The following GPRIN3 variants were observed in gnomAD, a reference collection of about 807,000 sequenced individuals.
The protein encoded by GPRIN3 is G protein-regulated inducer of neurite outgrowth 3.
In GPRIN3, 12 loss-of-function variants were observed where a neutral mutation model predicts 13.7. The observed-to-expected ratio is 0.87, with a 90% confidence interval of 0.56 to 1.42. The LOEUF (loss-of-function observed/expected upper bound fraction) is 1.42, where lower values mean the gene tolerates loss of function less well. Among genes scored for constraint, GPRIN3 ranks in the 40% most tolerant of loss-of-function variants. The probability of loss-of-function intolerance (pLI) is 0.00; values close to 1 mark genes in which losing one functional copy is unlikely to be tolerated. For missense variants in GPRIN3, 1,009 were observed against 958.7 expected (o/e 1.05, Z -0.69); for synonymous variants, 377 against 372.7 (o/e 1.01, Z -0.13).
At chr4:89,281,941 A>T (rs1178016496) in intron 1 of GPRIN3, among the ~76,000 whole-genome samples, 1 of 149,642 alleles carries the variant, frequency 6.7e-6, no homozygotes, top group African/African-American at 2.5e-5. Flanking sequence ...TCTTTATTAT[A>T]ATGCATTGCT....
At chr4:89,256,952 A>C (rs971943244) in intron 1 of GPRIN3, among the ~76,000 whole-genome samples, 11 of 152,350 alleles carry the variant, frequency 7.2e-5, no homozygotes, top group African/African-American at 2.4e-4. Context: ...CTGCCAGTGC[A>C]GAGTTTGAAG....
intron 1 of GPRIN3, among the ~76,000 whole-genome samples, chr4:89,282,837 C>T (rs10034673): frequency 0.14 from 21,214 of 152,072 alleles, 3,154 homozygotes; most frequent in African/African-American, 0.38. Flanking sequence ...CTATGAATCA[C>T]AGTCTCAGAG....
intron 1 of GPRIN3, among the ~76,000 whole-genome samples, chr4:89,274,257 G>T (rs1467220417): frequency 1.3e-5 from 2 of 152,198 alleles, no homozygotes; most frequent in African/African-American, 4.8e-5. Flanking sequence ...AAGTATGTTT[G>T]TGTTTAACTG....
rs1265575790 is a variant in GPRIN3 at position 89,248,717 on chromosome 4, G to C, written c.1394C>G (p.Ala465Gly). The change falls in exon 2 of 2, where the codon GCT (alanine) becomes GGT (glycine). Residue 465 changes from alanine to glycine, a missense_variant. Transcript: ENST00000609438. ...LAGTNSSSLKATAIDQISISA... is the reference protein window; with the variant it reads ...LAGTNSSSLKGTAIDQISISA... ...GATAGAAATCTGGTCAATGGCGGTA[G>C]CTTTCAGGGAGCTAGAATTAGTACC... is the stretch of plus-strand genomic sequence containing the variant. 9 of 1,614,054 alleles carry C rather than the reference G, an allele frequency of 5.6e-6. No homozygotes were observed. Among genetic ancestry groups the C allele is most frequent in the Non-Finnish European group, 6.8e-6 (8 of 1,180,032 alleles).
intron 1 of GPRIN3, among the ~76,000 whole-genome samples, chr4:89,263,453 A>G (rs749677327): frequency 1.2e-4 from 18 of 152,212 alleles, no homozygotes; most frequent in Non-Finnish European, 1.9e-4. Context: ...CATTTGCTGC[A>G]GGGAGGAGCC....
intron 1 of GPRIN3, among the ~76,000 whole-genome samples, chr4:89,286,423 C>G (rs1428209789): frequency 6.6e-6 from 1 of 152,104 alleles, no homozygotes; most frequent in Non-Finnish European, 1.5e-5. Context: ...TCCCTTTCAG[C>G]CAAGTTTGTC....
chr4:89,248,268 A>T lies in GPRIN3; in HGVS notation c.1843T>A (p.Ser615Thr). 1 of 1,614,100 alleles carries T rather than the reference A, an allele frequency of 6.2e-7. No homozygotes were observed. Among genetic ancestry groups the T allele is most frequent in the Non-Finnish European group, 8.5e-7 (1 of 1,180,002 alleles). ...LSLPSDPMGD[S>T]SPGSGKKTPS... is the part of the protein sequence containing the mutation. ...GTCTTCTTGCCAGAACCTGGGCTGGAGTCACCCATGGGATCAGATGGCAGG... is the reference window on the plus strand; with the variant it reads ...GTCTTCTTGCCAGAACCTGGGCTGGTGTCACCCATGGGATCAGATGGCAGG... Residue 615 changes from serine (S) to threonine (T), a missense_variant, in exon 2 of 2, where the codon TCC becomes ACC. Ser to Thr is a moderately conservative substitution (Grantham distance 58). Coordinates refer to ENST00000609438, the MANE Select transcript of GPRIN3 (RefSeq NM_198281.3).
intron 1 of GPRIN3, among the ~76,000 whole-genome samples, chr4:89,290,289 T>C (rs1189373323): frequency 1.3e-5 from 2 of 152,000 alleles, no homozygotes; most frequent in African/African-American, 4.8e-5. Context: ...GTGTTTCAAA[T>C]ATGCTTGAAG....
At chr4:89,259,020 T>C (rs892823801) in intron 1 of GPRIN3, among the ~76,000 whole-genome samples, 2 of 152,242 alleles carry the variant, frequency 1.3e-5, no homozygotes, top group African/African-American at 2.4e-5. Context: ...AATTTACCTA[T>C]GGAGGCAGGA....
intron 1 of GPRIN3, among the ~76,000 whole-genome samples, chr4:89,276,923 G>A (rs892662357): frequency 3.9e-5 from 6 of 152,168 alleles, no homozygotes; most frequent in Admixed American, 3.3e-4. Context: ...CCAATGAAAT[G>A]AAAGCTCATA....
intron 1 of GPRIN3, among the ~76,000 whole-genome samples, chr4:89,260,053 G>A (rs1487824627): frequency 6.6e-6 from 1 of 152,050 alleles, no homozygotes; most frequent in African/African-American, 2.4e-5. Context: ...GTGATCCACC[G>A]GCTTCAGTCT....
intron 1 of GPRIN3, among the ~76,000 whole-genome samples, chr4:89,293,116 T>C (rs1047118718): frequency 6.6e-6 from 1 of 152,216 alleles, no homozygotes; most frequent in African/African-American, 2.4e-5. Context: ...CATAAGTCTA[T>C]AGAAGTCTAT....
Position 89,249,016 on chromosome 4 carries a change from A to G in GPRIN3, c.1095T>C (p.Ser365=). Residue 365 remains serine, a synonymous_variant, in exon 2 of 2, where the codon AGT becomes AGC. Coordinates refer to ENST00000609438, the MANE Select transcript of GPRIN3 (RefSeq NM_198281.3). The part of the protein sequence containing the change: ...QEQLRVICHS[S]GSHTLELSDS... ...CAGAGAGCTCCAGTGTGTGGCTCCC[A>G]CTGCTGTGGCAAATGACACGCAGCT... 2.5e-6 allele frequency: 4 copies of G among 1,614,156 alleles called. No individual in the cohort carries two copies. The highest frequency in any genetic ancestry group is 3.4e-6 in the Non-Finnish European group (4 of 1,180,016).
At chr4:89,258,677 C>T (rs1484415768) in intron 1 of GPRIN3, among the ~76,000 whole-genome samples, 1 of 152,220 alleles carries the variant, frequency 6.6e-6, no homozygotes, top group Non-Finnish European at 1.5e-5. Flanking sequence ...GAGGGCACCC[C>T]TCACATGAGG....
At chr4:89,300,515 C>T (rs1461777378) in intron 1 of GPRIN3, among the ~76,000 whole-genome samples, 1 of 152,146 alleles carries the variant, frequency 6.6e-6, no homozygotes, top group Non-Finnish European at 1.5e-5. Context: ...AGTTTTCCTG[C>T]TAGGCCCACA....
In GPRIN3 at chr4:89,249,408, A is replaced by C; in HGVS notation, c.703T>G (p.Cys235Gly). 6.2e-7 allele frequency: 1 copy of C among 1,614,168 alleles called. No homozygotes were observed. The highest frequency in any genetic ancestry group is 8.5e-7 in the Non-Finnish European group (1 of 1,180,022). ...GAICDSEMRS[C>G]KPLTRESGCS... ...CCAGATTCTCTAGTTAGAGGTTTAC[A>C]GGACCTCATTTCAGAGTCACAGATG... The change falls in exon 2 of 2, where the codon TGT becomes GGT. Residue 235 changes from cysteine to glycine, a missense_variant. Transcript: ENST00000609438.
chr4:89,270,409 CCTCT>C (rs1472215075), intron 1 of GPRIN3, among the ~76,000 whole-genome samples: 1 of 151,196 alleles, frequency 6.6e-6, no homozygotes, highest in African/African-American at 2.4e-5. Flanking sequence ...CAAATGTATA[CCTCT>C]CTGAGTCTGG....
rs978596676 is a variant in GPRIN3, at chr4:89,245,997, T to C, written c.*1783A>G. On this transcript the variant is annotated 3_prime_UTR_variant, in exon 2 of 2. Coordinates refer to ENST00000609438, the MANE Select transcript of GPRIN3 (RefSeq NM_198281.3). ...CAGGCTCTGAGAATACTGTTCCATA[T>C]ATGCAAGCTTTGTCTACAGTTAAAT... is the stretch of plus-strand genomic sequence containing the variant. 3 of 152,344 alleles carry C rather than the reference T, an allele frequency of 2.0e-5. No homozygotes were observed. Among genetic ancestry groups the C allele is most frequent in the East Asian group, 1.9e-4 (1 of 5,178 alleles). 9.4% of individuals were successfully genotyped at this position (152,344 alleles called of 1,614,324 possible). A position where few individuals can be genotyped will look rare whatever the true frequency, so the allele number is the denominator to read the frequency against.
intron 1 of GPRIN3, among the ~76,000 whole-genome samples, chr4:89,275,810 C>T (rs923611787): frequency 1.1e-4 from 16 of 152,288 alleles, no homozygotes; most frequent in African/African-American, 3.1e-4. Context: ...AATGCCGTCA[C>T]GGTAATGCAA....
Sources: allele counts gnomAD v4.1 joint callset (sites outside exome capture counted in the v4.1 genomes callset), GRCh38; gene constraint gnomAD v4.1.1; transcripts MANE v1.5; gene names NCBI Gene and HGNC (gene_info 2026-07-23, HGNC 2026-07-21).